The following ARHGEF28 variants were observed in gnomAD, a reference collection of about 807,000 sequenced individuals.
ARHGEF28 encodes the protein Rho guanine nucleotide exchange factor 28.
Under a neutral mutation model 206.6 loss-of-function variants are expected in ARHGEF28, and 152 were observed. The observed-to-expected ratio is 0.74, with a 90% CI of 0.64 to 0.84. ARHGEF28 has a LOEUF of 0.84. Among genes scored for constraint, ARHGEF28 ranks in the 40% least tolerant of loss-of-function variants. ARHGEF28 has a pLI of 0.00. For missense variants in ARHGEF28, 2,028 were observed against 2,073.2 expected, an observed-to-expected ratio of 0.98 and a Z score of 0.42; for synonymous variants, 763 against 776.4, an observed-to-expected ratio of 0.98 and a Z score of 0.29.
intron 7 of ARHGEF28, among the ~76,000 whole-genome samples, chr5:73,785,653 TG>T (rs1370300256): frequency 6.6e-6 from 1 of 152,212 alleles, no homozygotes; most frequent in Non-Finnish European, 1.5e-5. Context: ...CATTTGCCAC[TG>T]TATGAATCCG....
intron 14 of ARHGEF28, among the ~76,000 whole-genome samples, chr5:73,854,761 C>T (rs1010240455): frequency 3.3e-5 from 5 of 151,516 alleles, no homozygotes; most frequent in South Asian, 2.1e-4. Context: ...GAACCTGGAA[C>T]GCGGAGGTTG....
At position 73,658,962 on chromosome 5, in the gene ARHGEF28, TACACACAC is replaced by T. The variant is rs55877309; in HGVS notation, c.-11-25842_-11-25835del. On this transcript the variant is annotated intron_variant, in intron 1 of 35. Transcript: ENST00000513042. ...TAGACAGGTCTGTGATGCATGCAGG[TACACACAC>T]ACACACACACACACACACACACACA... 8.9e-3 allele frequency among the ~76,000 whole-genome samples: 1,115 copies of T among 124,826 alleles called. 12 individuals carry two copies. Among genetic ancestry groups the T allele is most frequent in the African/African-American group, 0.023 (864 of 36,794 alleles). The allele number at this position is 124,826 out of a possible 152,430, so 81.9% of individuals were successfully genotyped here. A position where few individuals can be genotyped will look rare whatever the true frequency, so the allele number is the denominator to read the frequency against.
At chr5:73,679,641 A>G (rs557687041) in intron 1 of ARHGEF28, among the ~76,000 whole-genome samples, 11 of 152,088 alleles carry the variant, frequency 7.2e-5, no homozygotes, top group South Asian at 2.1e-4. Context: ...TTTGAAATAC[A>G]TTTTCTCTTT....
intron 9 of ARHGEF28, among the ~76,000 whole-genome samples, chr5:73,813,121 C>G (rs953880624): frequency 6.6e-6 from 1 of 152,146 alleles, no homozygotes; most frequent in Non-Finnish European, 1.5e-5. Context: ...TAACACGGCA[C>G]CGGGTAGCTC....
chr5:73,830,855 A>G (rs1452149756), intron 9 of ARHGEF28, among the ~76,000 whole-genome samples: 7 of 151,968 alleles, frequency 4.6e-5, no homozygotes, highest in Non-Finnish European at 1.0e-4. Flanking sequence ...ATCAGGTTTT[A>G]TGTTATGACA....
Position 73,909,558 on chromosome 5 carries a change from G to A in ARHGEF28, c.4308G>A (p.Glu1436=), listed in dbSNP as rs772449847. The change falls in exon 34 of 36, where the codon GAG becomes GAA. Residue 1436 remains glutamate (E), a synonymous_variant. Transcript: ENST00000513042. ...GCGACGCGGACAGGCAGCATGAGGA[G>A]CTGGCCAATGTGCACCAGCTTCAGC... ...KSRDADRQHE[E]LANVHQLQHQ... The A allele has an allele frequency of 6.4e-7, 1 of 1,574,306 alleles. No individual in the cohort carries two copies. The highest frequency in any genetic ancestry group is 8.6e-7 in the Non-Finnish European group (1 of 1,160,020).
At chr5:73,708,831 T>C (rs1749085298) in intron 2 of ARHGEF28, among the ~76,000 whole-genome samples, 2 of 152,208 alleles carry the variant, frequency 1.3e-5, no homozygotes, top group African/African-American at 4.8e-5. Context: ...CTACCCACAG[T>C]GTATAAGCAT....
intron 14 of ARHGEF28, among the ~76,000 whole-genome samples, chr5:73,856,474 T>G (rs1005178108): frequency 1.3e-5 from 2 of 149,982 alleles, no homozygotes; most frequent in African/African-American, 4.9e-5. Context: ...AAGCCATGTA[T>G]TTTTTTTTTC....
intron 14 of ARHGEF28, among the ~76,000 whole-genome samples, chr5:73,855,501 G>T (rs981800942): frequency 3.9e-5 from 6 of 152,164 alleles, no homozygotes; most frequent in Non-Finnish European, 7.3e-5. Flanking sequence ...GGAGGCCGAG[G>T]TGGGTGAATC....
At chr5:73,637,391 G>A (rs1461778581) in intron 1 of ARHGEF28, among the ~76,000 whole-genome samples, 1 of 152,140 alleles carries the variant, frequency 6.6e-6, no homozygotes, top group Non-Finnish European at 1.5e-5. Flanking sequence ...AAAAGAGATA[G>A]CAAATCTGTA....
intron 4 of ARHGEF28, among the ~76,000 whole-genome samples, chr5:73,753,604 G>C (rs539712556): frequency 1.1e-4 from 17 of 152,338 alleles, no homozygotes; most frequent in African/African-American, 4.1e-4. Flanking sequence ...ACACCTGGAA[G>C]ACATGTGACC....
At chr5:73,669,057 G>A (rs1020716639) in intron 1 of ARHGEF28, among the ~76,000 whole-genome samples, 1 of 151,986 alleles carries the variant, frequency 6.6e-6, no homozygotes, top group Non-Finnish European at 1.5e-5. Context: ...CAATTTCTTT[G>A]TATTTGCCCA....
At chr5:73,659,798 T>C (rs1362975940) in intron 1 of ARHGEF28, among the ~76,000 whole-genome samples, 2 of 152,236 alleles carry the variant, frequency 1.3e-5, no homozygotes, top group Admixed American at 6.5e-5. Flanking sequence ...TGTAGTCTAT[T>C]AGGAATACAA....
Position 73,820,003 on chromosome 5 carries a change from A to G in ARHGEF28, c.1025-12335A>G, listed in dbSNP as rs114142886. Among the ~76,000 whole-genome samples, 849 of 152,234 alleles carry G rather than the reference A, an allele frequency of 5.6e-3. 9 individuals are homozygous for G. Among genetic ancestry groups the G allele is most frequent in the African/African-American group, 0.018 (766 of 41,538 alleles). On this transcript the variant is annotated intron_variant, in intron 9 of 35. Transcript: ENST00000513042. ...GTATCACAGCTGTTATTAAACCTCTATACCCTAAGACACTGAATTCCTTGA... is the reference window on the plus strand; with the variant it reads ...GTATCACAGCTGTTATTAAACCTCTGTACCCTAAGACACTGAATTCCTTGA...
chr5:73,681,088 ATTTT>A (rs10551544), intron 1 of ARHGEF28, among the ~76,000 whole-genome samples: 57,421 of 140,016 alleles, frequency 0.41, 12,148 homozygotes, highest in East Asian at 0.65. Flanking sequence ...ATAGTAATGC[ATTTT>A]TTTTTTTTTT....
chr5:73,680,516 TG>T (rs1420313571), intron 1 of ARHGEF28, among the ~76,000 whole-genome samples: 5 of 150,864 alleles, frequency 3.3e-5, no homozygotes, highest in Non-Finnish European at 7.4e-5. Flanking sequence ...TGATGGGTTT[TG>T]GATGGGAGGG....
Position 73,776,504 on chromosome 5 carries a change from G to C in ARHGEF28, c.660-12G>C. 6.2e-7 allele frequency: 1 copy of C among 1,605,304 alleles called. No homozygotes were observed. The highest frequency in any genetic ancestry group is 8.5e-7 in the Non-Finnish European group (1 of 1,174,324). On this transcript the variant is annotated splice_polypyrimidine_tract_variant and intron_variant, in intron 5 of 35. Coordinates refer to ENST00000513042, the MANE Select transcript of ARHGEF28 (RefSeq NM_001177693.2). ...TGAAGCTCTGTGTGGGTTTTGATTTGTGTTGTTTCAGTTTTCAGGGCAGAT... is the reference window on the plus strand; with the variant it reads ...TGAAGCTCTGTGTGGGTTTTGATTTCTGTTGTTTCAGTTTTCAGGGCAGAT...
intron 10 of ARHGEF28, among the ~76,000 whole-genome samples, chr5:73,837,224 A>G (rs776045249): frequency 2.0e-5 from 3 of 151,920 alleles, no homozygotes; most frequent in Non-Finnish European, 4.4e-5. Flanking sequence ...TTTGATAGAG[A>G]TTAAATAGAA....
At chr5:73,638,564 A>C (rs763063989) in intron 1 of ARHGEF28, among the ~76,000 whole-genome samples, 13 of 152,344 alleles carry the variant, frequency 8.5e-5, no homozygotes, top group Non-Finnish European at 1.5e-4. Context: ...TAAACTAGGG[A>C]AAGTAAATTA....
Sources: gnomAD v4.1 joint callset for allele counts (sites outside exome capture counted in the v4.1 genomes callset) on GRCh38, gnomAD v4.1.1 for gene constraint, MANE v1.5 for transcripts, NCBI Gene and HGNC (gene_info 2026-07-23, HGNC 2026-07-21) for gene names.